PFKFB3: variants seen among roughly 807,000 people sequenced by gnomAD.
The protein encoded by PFKFB3 is 6-phosphofructo-2-kinase/fructose-2,6-biphosphatase 3.
A neutral mutation model predicts 68.0 loss-of-function variants in PFKFB3; 33 were observed. The observed-to-expected ratio is 0.49, with a 90% CI of 0.37 to 0.65. PFKFB3 has a LOEUF of 0.65. PFKFB3 is among the 30% of genes least tolerant of loss of function. PFKFB3 has a pLI of 0.00. For synonymous variants in PFKFB3, 315 were observed against 288.2 expected (o/e 1.09, Z -0.94); for missense variants, 586 against 712.2 (o/e 0.82, Z 2.02).
intron 3 of PFKFB3, 46 bp from the exon 4 acceptor site, chr10:6,216,079 C>A (rs200359095): frequency 6.4e-7 from 1 of 1,567,312 alleles, no homozygotes; most frequent in South Asian, 1.1e-5. Flanking sequence ...GCTGCCCCAG[C>A]GGATGCACCG....
rs1177188191 is a variant in PFKFB3, at chr10:6,205,805, T to TATTTATTTATTTATTCATTC, written c.76+2472_76+2473insTATTTATTTATTCATTCATT. ...TTATTTATTTATTTATTTATTTATT[T>TATTTATTTATTTATTCATTC]ATTCATTTTTGAGGTGGAGTCTCAC... On this transcript the variant is annotated intron_variant, in intron 1 of 14. Transcript: ENST00000379775. Among the ~76,000 whole-genome samples, 3 of 150,682 alleles carry TATTTATTTATTTATTCATTC rather than the reference T, an allele frequency of 2.0e-5. No homozygotes were observed. The East Asian group carries it at 5.8e-4, about 29-fold the overall frequency.
Position 6,221,723 on chromosome 10 carries a change from A to C in PFKFB3, c.1061A>C (p.Tyr354Ser). The change falls in exon 10 of 15, where the codon TAT (tyrosine) becomes TCT (serine). Residue 354 changes from tyrosine to serine, a missense_variant. By Grantham distance (144) the Tyr-to-Ser change is moderately radical. Transcript: ENST00000379775. ...EYALREQDKY[Y>S]YRYPTGESYQ... ...GCGCTGCGGGAGCAGGACAAGTACTATTACCGCTACCCCACCGGGGAGGTG... is the reference window on the plus strand; with the variant it reads ...GCGCTGCGGGAGCAGGACAAGTACTCTTACCGCTACCCCACCGGGGAGGTG... 1.2e-6 allele frequency: 2 copies of C among 1,604,602 alleles called. No individual in the cohort carries two copies. The highest frequency in any genetic ancestry group is 1.7e-6 in the Non-Finnish European group (2 of 1,176,606).
Position 6,220,588 on chromosome 10 carries a change from G to A in PFKFB3, c.624-70G>A. ...CTGTTCTCTGGGGATCACATCTTCG[G>A]AGACGGGCCAGGTGCATCCTGCTGT... On this transcript the variant is annotated intron_variant, in intron 7 of 14. Coordinates refer to ENST00000379775, the MANE Select transcript of PFKFB3 (RefSeq NM_004566.4). The surrounding 1 kb of genome is among the most constrained non-coding windows in gnomAD (Gnocchi z 4.1). The A allele has an allele frequency of 7.1e-7, 1 of 1,412,532 alleles. No individual in the cohort carries two copies. Among genetic ancestry groups the A allele is most frequent in the Non-Finnish European group, 1.0e-6 (1 of 1,003,118 alleles). The allele number at this position is 1,412,532 out of a possible 1,614,324, so 87.5% of individuals were successfully genotyped here.
chr10:6,268,040 A>G, the PFKFB3 span, among the ~76,000 whole-genome samples: 1 of 151,384 alleles, frequency 6.6e-6, no homozygotes, highest in African/African-American at 2.4e-5. Context: ...TGTCCTGAGC[A>G]TGGGGCCCTG....
chr10:6,223,345 A>G (rs1218526020), intron 11 of PFKFB3, among the ~76,000 whole-genome samples: 3 of 152,188 alleles, frequency 2.0e-5, no homozygotes, highest in East Asian at 3.8e-4. Flanking sequence ...TGACAATCCC[A>G]TTGAAATGTT....
chr10:6,237,302 G>A (rs575753183), downstream of PFKFB3, among the ~76,000 whole-genome samples: 10 of 152,368 alleles, frequency 6.6e-5, no homozygotes, highest in Non-Finnish European at 1.2e-4. Flanking sequence ...CCTGTGCCCC[G>A]TCATCGTCCA....
chr10:6,231,155 C>T lies in PFKFB3; in HGVS notation c.1516-1740C>T, dbSNP rs1291570721. On this transcript the variant is annotated intron_variant, in intron 14 of 14. Transcript: ENST00000379775. ...AGATCACCTGGCATTTGTGATGCAA[C>T]CTTCATTTTTAAAATTTCAAATGCA... 2.1e-5 allele frequency: 18 copies of T among 846,790 alleles called. No homozygotes were observed. In the East Asian group the frequency reaches 2.8e-4, roughly 13 times the overall value. The allele number at this position is 846,790 out of a possible 1,614,324, so 52.5% of individuals were successfully genotyped here. A position where few individuals can be genotyped will look rare whatever the true frequency, so the allele number is the denominator to read the frequency against.
At chr10:6,255,533 G>T (rs1490627612), downstream of PFKFB3, among the ~76,000 whole-genome samples, 1 of 152,214 alleles carries the variant, frequency 6.6e-6, no homozygotes. Context: ...TCGGGGAAGG[G>T]TACTTCAACG....
At chr10:6,187,232 G>A (rs1033980798) in intron 1 of PFKFB3, among the ~76,000 whole-genome samples, 1 of 151,372 alleles carries the variant, frequency 6.6e-6, no homozygotes, top group African/African-American at 2.4e-5. Flanking sequence ...ATGGTGGTGG[G>A]TGCCTGTAAT....
Position 6,213,697 on chromosome 10 carries a change from A to G in PFKFB3, c.151A>G (p.Ile51Val), listed in dbSNP as rs1481862501. The G allele has an allele frequency of 1.2e-6, 2 of 1,613,488 alleles. No homozygotes were observed. Among genetic ancestry groups the G allele is most frequent in the Non-Finnish European group, 1.7e-6 (2 of 1,179,832 alleles). The change falls in exon 2 of 15, where the codon ATC (isoleucine) becomes GTC (valine). Residue 51 changes from isoleucine (I) to valine (V), a missense_variant. Transcript: ENST00000379775. ...VGLPARGKTY[I>V]SKKLTRYLNW... is the part of the protein sequence containing the mutation. ...CCTCCCCGCCCGGGGCAAGACCTAC[A>G]TCTCCAAGAAGCTGACTCGCTACCT...
intron 14 of PFKFB3, chr10:6,245,923 A>G (rs1173279552): frequency 1.3e-5 from 2 of 152,352 alleles, no homozygotes; most frequent in South Asian, 2.1e-4. Context: ...TCTAAGTAGC[A>G]TTAGGGAGAA....
At chr10:6,183,854 A>T (rs1842793899) in intron 1 of PFKFB3, among the ~76,000 whole-genome samples, 1 of 148,990 alleles carries the variant, frequency 6.7e-6, no homozygotes, top group Non-Finnish European at 1.5e-5. Flanking sequence ...CGCCCGGCTA[A>T]TTTTTTTTTA....
chr10:6,156,484 TA>T (rs1298247397), intron 1 of PFKFB3, among the ~76,000 whole-genome samples: 1 of 128,102 alleles, frequency 7.8e-6, no homozygotes, highest in African/African-American at 3.2e-5. Context: ...CACTTTAAAT[TA>T]AATTAATTAA....
At chr10:6,214,192 A>T (rs927823891) in intron 2 of PFKFB3, among the ~76,000 whole-genome samples, 13 of 152,318 alleles carry the variant, frequency 8.5e-5, no homozygotes, top group African/African-American at 2.9e-4. Flanking sequence ...GTGAGTGCGC[A>T]TTCCTGCCTG....
At chr10:6,272,971 C>T in the PFKFB3 span, among the ~76,000 whole-genome samples, 1 of 150,226 alleles carries the variant, frequency 6.7e-6, no homozygotes, top group Non-Finnish European at 1.5e-5. Context: ...TCACATGTCT[C>T]CTGTGCAGTG....
the PFKFB3 span, among the ~76,000 whole-genome samples, chr10:6,308,731 G>C: frequency 3.3e-5 from 5 of 152,174 alleles, no homozygotes; most frequent in African/African-American, 4.8e-5. Context: ...TTACACCCAT[G>C]ACAGCGAGCG....
chr10:6,261,037 C>G, the PFKFB3 span, among the ~76,000 whole-genome samples: 2 of 152,226 alleles, frequency 1.3e-5, no homozygotes, highest in African/African-American at 4.8e-5. Context: ...TTCCCTGCAT[C>G]TTCACCATCA....
At chr10:6,221,614 C>A (rs779094214) in intron 9 of PFKFB3, 27 bp from the exon 10 acceptor site, 3 of 1,608,936 alleles carry the variant, frequency 1.9e-6, no homozygotes, top group Non-Finnish European at 2.5e-6. Flanking sequence ...TGGTTTGTTC[C>A]CCTGAGTGAC....
intron 1 of PFKFB3, among the ~76,000 whole-genome samples, chr10:6,174,803 T>C (rs1842414015): frequency 6.9e-6 from 1 of 145,860 alleles, no homozygotes; most frequent in Non-Finnish European, 1.5e-5. Context: ...TAGCTTCTAC[T>C]TTGTTTCTTT....
Sources: allele counts gnomAD v4.1 joint callset (sites outside exome capture counted in the v4.1 genomes callset), GRCh38; gene constraint gnomAD v4.1.1; non-coding constraint Gnocchi (gnomAD v3.1); transcripts MANE v1.5; gene names NCBI Gene and HGNC (gene_info 2026-07-23, HGNC 2026-07-21).